Variants in STOX2 observed in about 807,000 individuals in gnomAD.
STOX2 encodes the protein storkhead box 2.
STOX2 carries 28 observed loss-of-function variants against 60.9 expected under a neutral mutation model. That is an observed-to-expected ratio of 0.46 (90% CI 0.34 to 0.63). The LOEUF (loss-of-function observed/expected upper bound fraction) is 0.63, where lower values mean the gene tolerates loss of function less well. STOX2 is among the 30% of genes least tolerant of loss of function. The pLI is 0.01. For missense variants in STOX2, 1,024 were observed against 1,187.7 expected, an observed-to-expected ratio of 0.86 and a Z score of 2.03; for synonymous variants, 472 against 463.9, an observed-to-expected ratio of 1.02 and a Z score of -0.22.
intron 1 of STOX2, among the ~76,000 whole-genome samples, chr4:183,877,667 T>TTCGCTGCTG (rs1389029941): frequency 5.9e-5 from 9 of 152,014 alleles, no homozygotes; most frequent in African/African-American, 1.2e-4. Context: ...ATGCCGCACT[T>TTCGCTGCTG]CCGCTGCTGC....
At chr4:183,835,172 A>T (rs1739674103) in intron 1 of STOX2, among the ~76,000 whole-genome samples, 1 of 151,940 alleles carries the variant, frequency 6.6e-6, no homozygotes, top group South Asian at 2.1e-4. Flanking sequence ...TAGGCAAAGA[A>T]GATAATAAGA....
rs570848651 is a variant in STOX2, at chr4:184,019,668, A to T, written c.*2384A>T. On this transcript the variant is annotated 3_prime_UTR_variant, in exon 4 of 4. Coordinates refer to ENST00000308497, the MANE Select transcript of STOX2 (RefSeq NM_020225.3). ...CTATTTGCCTGATGCTATGGGGTAC[A>T]TAATTTTTTAAAAACTCCCTTAGAC... 6 of 152,270 alleles carry T rather than the reference A, an allele frequency of 3.9e-5. No individual in the cohort carries two copies. Among genetic ancestry groups the T allele is most frequent in the Non-Finnish European group, 7.3e-5 (5 of 68,050 alleles). The allele number at this position is 152,270 out of a possible 1,614,324, so 9.4% of individuals were successfully genotyped here.
rs750655333 is a variant in STOX2, at chr4:184,010,271, G to A, written c.1433G>A (p.Arg478Lys). The A allele has an allele frequency of 1.4e-5, 22 of 1,580,306 alleles. No individual in the cohort carries two copies. In the Admixed American group the frequency reaches 4.0e-4, roughly 29 times the overall value. The change falls in exon 3 of 4, where the codon AGG becomes AAG. Residue 478 changes from arginine (R) to lysine (K), a missense_variant. Around this residue, in one of 3 missense-constraint regions of STOX2, gnomAD observed 922 missense variants for 1,058.3 expected, o/e 0.87. Transcript: ENST00000308497. This position sits in a 1 kb window ranked among gnomAD's most constrained non-coding sequence, Gnocchi z 4.5. The part of the protein sequence containing the change: ...HRSHSHTQDR[R>K]SRNERSNKAK... ...AGCCACAGCCATACACAGGACCGGA[G>A]GTCCAGGAATGAGAGATCCAACAAA...
chr4:183,966,521 C>T (rs1743573830), intron 1 of STOX2, among the ~76,000 whole-genome samples: 2 of 152,196 alleles, frequency 1.3e-5, no homozygotes, highest in African/African-American at 4.8e-5. Flanking sequence ...CACAGTCACC[C>T]TCCCGGCGGC....
At chr4:183,851,104 G>T (rs1470651128) in intron 1 of STOX2, among the ~76,000 whole-genome samples, 1 of 84,086 alleles carries the variant, frequency 1.2e-5, no homozygotes. Flanking sequence ...GAAACGATGA[G>T]GGAAACGATG....
Position 184,020,843 on chromosome 4 carries a change from T to TGTTC in STOX2, c.*3560_*3563dup, listed in dbSNP as rs1734559149. The TGTTC allele has an allele frequency of 6.6e-6, 1 of 152,216 alleles. No individual in the cohort carries two copies. The highest frequency in any genetic ancestry group is 2.4e-5 in the African/African-American group (1 of 41,460). The allele number at this position is 152,216 out of a possible 1,614,324, so 9.4% of individuals were successfully genotyped here. A position where few individuals can be genotyped will look rare whatever the true frequency, so the allele number is the denominator to read the frequency against. On this transcript the variant is annotated 3_prime_UTR_variant, in exon 4 of 4. Transcript: ENST00000308497. ...GAGTAACAATGATCTGAACACCAGCTGTTCCCAGGTCCCTCTTTTTCATAG... is the reference window on the plus strand; with the variant it reads ...GAGTAACAATGATCTGAACACCAGCTGTTCGTTCCCAGGTCCCTCTTTTTCATAG...
intron 1 of STOX2, among the ~76,000 whole-genome samples, chr4:183,971,028 T>C (rs561985977): frequency 4.8e-4 from 73 of 152,284 alleles, no homozygotes; most frequent in African/African-American, 1.7e-3. Context: ...CATTAGAATT[T>C]TGGGGTCAGG....
At chr4:183,860,526 G>A (rs1354159678) in intron 1 of STOX2, among the ~76,000 whole-genome samples, 3 of 149,900 alleles carry the variant, frequency 2.0e-5, no homozygotes, top group Non-Finnish European at 4.4e-5. Context: ...CCTCTTTATA[G>A]AGTGTGAAAA....
In STOX2 at chr4:183,800,185, G is replaced by C. The variant is rs569413583; in HGVS notation, c.364+2130G>C. Among the ~76,000 whole-genome samples, 57 of 23,100 alleles carry C rather than the reference G, an allele frequency of 2.5e-3. 1 individual carries two copies. In the Admixed American group the frequency reaches 0.034, roughly 14 times the overall value. 15.2% of individuals were successfully genotyped at this position (23,100 alleles called of 152,430 possible). On this transcript the variant is annotated intron_variant, in intron 1 of 2. Transcript: ENST00000513034. ...TAAAAATTCTCAATATCTGCTGCAG[G>C]CTTCCTCATTTTTTTTTGTTGCCAG...
chr4:183,861,474 G>T (rs1740445477), intron 1 of STOX2, among the ~76,000 whole-genome samples: 1 of 152,220 alleles, frequency 6.6e-6, no homozygotes, highest in Non-Finnish European at 1.5e-5. Context: ...TCTAGGGAGA[G>T]ACAAGGACAC....
At chr4:183,816,489 T>C (rs1339551795) in intron 1 of STOX2, among the ~76,000 whole-genome samples, 4 of 152,088 alleles carry the variant, frequency 2.6e-5, no homozygotes, top group African/African-American at 9.7e-5. Flanking sequence ...AGACATCAGA[T>C]ACCCTAAAAG....
intron 1 of STOX2, among the ~76,000 whole-genome samples, chr4:183,981,697 G>A (rs1309583475): frequency 6.6e-6 from 1 of 152,046 alleles, no homozygotes; most frequent in East Asian, 1.9e-4. Context: ...GAACAACTTA[G>A]GGCAGAAAAA....
intron 1 of STOX2, among the ~76,000 whole-genome samples, chr4:183,874,910 C>T (rs1340597656): frequency 2.0e-5 from 2 of 98,840 alleles, no homozygotes; most frequent in Non-Finnish European, 3.6e-5. Flanking sequence ...TGGGCGATGG[C>T]GAGACTCCGC....
At chr4:183,855,959 C>A (rs574772171) in intron 1 of STOX2, among the ~76,000 whole-genome samples, 11 of 152,298 alleles carry the variant, frequency 7.2e-5, no homozygotes, top group African/African-American at 2.4e-4. Context: ...ATGCTCTGGC[C>A]ACAGCTGCTC....
At chr4:183,957,751 A>G (rs567421791) in intron 1 of STOX2, among the ~76,000 whole-genome samples, 133 of 152,250 alleles carry the variant, frequency 8.7e-4, no homozygotes, top group Non-Finnish European at 4.4e-4. Context: ...CCTTGGACCT[A>G]TTTGTGATGA....
chr4:183,935,033 A>G (rs1054591151), intron 1 of STOX2, among the ~76,000 whole-genome samples: 2 of 152,266 alleles, frequency 1.3e-5, no homozygotes, highest in Admixed American at 1.3e-4. Flanking sequence ...CAAACAAAGC[A>G]AAGTTCAGTT....
intron 1 of STOX2, among the ~76,000 whole-genome samples, chr4:183,867,887 C>T (rs898715829): frequency 2.5e-4 from 38 of 152,148 alleles, no homozygotes; most frequent in African/African-American, 8.2e-4. Flanking sequence ...AATAGAGCAC[C>T]GGTATGGCTC....
intron 1 of STOX2, among the ~76,000 whole-genome samples, chr4:183,935,855 A>AGG (rs1742575503): frequency 1.3e-5 from 2 of 152,188 alleles, no homozygotes; most frequent in Non-Finnish European, 2.9e-5. Flanking sequence ...TTTCAAGAGG[A>AGG]GGGATGTAAG....
intron 1 of STOX2, among the ~76,000 whole-genome samples, chr4:183,871,844 A>G (rs1026029781): frequency 1.3e-5 from 2 of 148,454 alleles, no homozygotes; most frequent in Admixed American, 6.7e-5. Flanking sequence ...ATTCAATACC[A>G]AAAAAAAAAT....
Sources: gnomAD v4.1 joint callset for allele counts (sites outside exome capture counted in the v4.1 genomes callset) on GRCh38, gnomAD v4.1.1 for gene constraint, gnomAD v4.1.1 regional missense constraint, Gnocchi (gnomAD v3.1) non-coding constraint, MANE v1.5 for transcripts, NCBI Gene and HGNC (gene_info 2026-07-23, HGNC 2026-07-21) for gene names.